Variants in PLEKHA6 observed in about 807,000 individuals in gnomAD.
The protein encoded by PLEKHA6 is pleckstrin homology domain containing A6.
Under a neutral mutation model 116.7 loss-of-function variants are expected in PLEKHA6, and 60 were observed. That is an observed-to-expected ratio of 0.51 (90% confidence interval 0.42 to 0.64). PLEKHA6 has a LOEUF of 0.64. PLEKHA6 is among the 30% of genes least tolerant of loss of function. PLEKHA6 has a pLI of 0.00. For synonymous variants in PLEKHA6, 489 were observed against 556.1 expected (o/e 0.88, Z 1.70); for missense variants, 1,338 against 1,422.7 (o/e 0.94, Z 0.96).
intron 1 of PLEKHA6, among the ~76,000 whole-genome samples, chr1:204,334,138 A>C (rs1168584143): frequency 1.3e-5 from 2 of 152,220 alleles, no homozygotes; most frequent in Admixed American, 1.3e-4. Flanking sequence ...GTAAGGACAG[A>C]TATGCTTCGG....
chr1:204,369,069 T>C (rs996835341), intron 2 of PLEKHA6: 2 of 152,214 alleles, frequency 1.3e-5, no homozygotes, highest in Admixed American at 6.5e-5. Flanking sequence ...TTGCTGCTGA[T>C]GGTGATGCTG....
Position 204,229,007 on chromosome 1 carries a change from C to G in PLEKHA6, c.2681G>C (p.Arg894Pro). 6.2e-7 allele frequency: 1 copy of G among 1,614,170 alleles called. No homozygotes were observed. The highest frequency in any genetic ancestry group is 1.1e-5 in the South Asian group (1 of 91,084). Residue 894 changes from arginine to proline, a missense_variant, in exon 19 of 23, where the codon CGG becomes CCG. Physicochemically the swap from Arg to Pro is moderately radical, Grantham distance 103. Transcript: ENST00000272203. ...EPGGHAYETPREEIARLRKME... is the reference protein window; with the variant it reads ...EPGGHAYETPPEEIARLRKME... Reference sequence around the variant, plus strand: ...TTTGCGAAGCCGGGCAATTTCCTCCCGGGGTGTCTCGTAGGCATGCCCGCC... The same window carrying G: ...TTTGCGAAGCCGGGCAATTTCCTCCGGGGGTGTCTCGTAGGCATGCCCGCC...
At chr1:204,322,285 A>T (rs949851891) in intron 1 of PLEKHA6, among the ~76,000 whole-genome samples, 1 of 152,116 alleles carries the variant, frequency 6.6e-6, no homozygotes, top group Non-Finnish European at 1.5e-5. Flanking sequence ...ATGAGCGCCT[A>T]TTTGTGCCCA....
intron 1 of PLEKHA6, among the ~76,000 whole-genome samples, chr1:204,283,775 G>A (rs4951351): frequency 0.46 from 69,881 of 152,088 alleles, 16,344 homozygotes; most frequent in Middle Eastern, 0.56. Context: ...CTACAGGTCT[G>A]GGGACTGTGT....
chr1:204,266,299 C>T (rs1219057223), intron 5 of PLEKHA6, among the ~76,000 whole-genome samples: 1 of 152,176 alleles, frequency 6.6e-6, no homozygotes, highest in Non-Finnish European at 1.5e-5. Flanking sequence ...AGAGTCCAGG[C>T]CAGCATTTAG....
intron 1 of PLEKHA6, among the ~76,000 whole-genome samples, chr1:204,339,095 T>C (rs2103306088): frequency 6.6e-6 from 1 of 152,278 alleles, no homozygotes; most frequent in East Asian, 1.9e-4. Context: ...CATTCTGTCT[T>C]AGAACCAACC....
chr1:204,246,966 A>T (rs4951053), intron 13 of PLEKHA6, among the ~76,000 whole-genome samples: 104,794 of 151,924 alleles, frequency 0.69, 36,406 homozygotes, highest in East Asian at 0.82. Flanking sequence ...GGAGACCCTG[A>T]CTCTACAAAA....
At chr1:204,317,198 G>A in intron 1 of PLEKHA6, 4 of 949,796 alleles carry the variant, frequency 4.2e-6, no homozygotes, top group Non-Finnish European at 5.0e-6. Flanking sequence ...TAAGCATAGG[G>A]TACTGCTGAT....
At chr1:204,274,945 T>C (rs544934882) in intron 1 of PLEKHA6, 136 bp from the exon 2 acceptor site, 2 of 882,746 alleles carry the variant, frequency 2.3e-6, no homozygotes, top group South Asian at 5.4e-5. Flanking sequence ...TCCAGGGGGA[T>C]CCATGGGAGG....
chr1:204,248,981 G>A lies in PLEKHA6; in HGVS notation c.1675-11C>T, dbSNP rs768509075. The stretch of plus-strand genomic sequence containing the variant: ...ACTTTCCAGGCTCTCCTGAAGAAAG[G>A]CAGGGGAATGACATGAGCAGCCCTG... On this transcript the variant is annotated splice_polypyrimidine_tract_variant and intron_variant, in intron 11 of 22. Transcript: ENST00000272203. 15 of 1,613,350 alleles carry A rather than the reference G, an allele frequency of 9.3e-6. No individual in the cohort carries two copies. In the Admixed American group the frequency reaches 1.2e-4, roughly 13 times the overall value.
At chr1:204,335,238 TA>T (rs966685341) in intron 1 of PLEKHA6, among the ~76,000 whole-genome samples, 2 of 151,794 alleles carry the variant, frequency 1.3e-5, no homozygotes, top group African/African-American at 4.8e-5. Flanking sequence ...CCCACACACA[TA>T]CACAATCTCT....
At chr1:204,274,558 G>T (rs2102908548) in intron 2 of PLEKHA6, 171 bp downstream of exon 2, 2 of 979,710 alleles carry the variant, frequency 2.0e-6, no homozygotes, top group Middle Eastern at 5.3e-4. Flanking sequence ...AGGGTGTCAA[G>T]CCAGATGGGT....
chr1:204,357,995 C>G (rs143583984), intron 1 of PLEKHA6, among the ~76,000 whole-genome samples: 1 of 152,302 alleles, frequency 6.6e-6, no homozygotes, highest in East Asian at 1.9e-4. Context: ...AAGTAATTAT[C>G]TGTGTAAGGC....
intron 1 of PLEKHA6, chr1:204,297,212 A>T (rs956613831): frequency 3.1e-6 from 3 of 982,212 alleles, no homozygotes; most frequent in Non-Finnish European, 3.6e-6. Flanking sequence ...TTGATGTGAC[A>T]TTTAACTCCT....
chr1:204,278,291 G>T (rs963599191), intron 1 of PLEKHA6, among the ~76,000 whole-genome samples: 5 of 152,182 alleles, frequency 3.3e-5, no homozygotes, highest in African/African-American at 1.2e-4. Context: ...AGCAAAGGAG[G>T]CTCCAGACCC....
chr1:204,278,164 A>G (rs1668215711), intron 1 of PLEKHA6, among the ~76,000 whole-genome samples: 2 of 152,186 alleles, frequency 1.3e-5, no homozygotes, highest in South Asian at 4.1e-4. Flanking sequence ...TTCATGTCTT[A>G]GGATCCTTGG....
intron 1 of PLEKHA6, among the ~76,000 whole-genome samples, chr1:204,357,445 C>T (rs1181289765): frequency 2.0e-5 from 3 of 152,240 alleles, no homozygotes; most frequent in Non-Finnish European, 4.4e-5. Context: ...CCCAGTTACT[C>T]TAAATGTCTC....
intron 1 of PLEKHA6, among the ~76,000 whole-genome samples, chr1:204,296,254 T>G (rs1208996672): frequency 6.6e-6 from 1 of 152,154 alleles, no homozygotes; most frequent in East Asian, 1.9e-4. Context: ...CACACTCACA[T>G]GCGTGTGTTT....
chr1:204,312,830 G>A (rs953425080), intron 1 of PLEKHA6, among the ~76,000 whole-genome samples: 2 of 146,026 alleles, frequency 1.4e-5, no homozygotes, highest in African/African-American at 5.1e-5. Context: ...TTGCATCAAG[G>A]CCCTTAGCCC....
Sources: allele counts gnomAD v4.1 joint callset (sites outside exome capture counted in the v4.1 genomes callset), GRCh38; gene constraint gnomAD v4.1.1; transcripts MANE v1.5; gene names NCBI Gene and HGNC (gene_info 2026-07-23, HGNC 2026-07-21).